Variants in TRHDE observed in about 807,000 individuals in gnomAD.
The protein encoded by TRHDE is thyrotropin releasing hormone degrading enzyme.
A neutral mutation model predicts 125.7 loss-of-function variants in TRHDE; 72 were observed. The ratio of observed to expected loss-of-function variants is 0.57; its 90% CI spans 0.47 to 0.70. TRHDE has a LOEUF of 0.70. TRHDE is among the 30% of genes least tolerant of loss of function. The pLI, the probability that TRHDE is intolerant of heterozygous loss-of-function variation, is 0.00. For missense variants in TRHDE, 1,110 were observed against 1,327.1 expected (o/e 0.84, Z 2.54); for synonymous variants, 509 against 509.1 (o/e 1.00, Z 0.00).
intron 2 of TRHDE, chr12:72,264,768 G>C (rs1333323213): frequency 6.6e-6 from 1 of 151,916 alleles, no homozygotes; most frequent in Non-Finnish European, 1.5e-5. Flanking sequence ...TGGCACTAAA[G>C]AGAAAAGTGA....
intron 3 of TRHDE, among the ~76,000 whole-genome samples, chr12:72,462,165 T>A (rs1461906105): frequency 1.3e-5 from 2 of 152,188 alleles, no homozygotes; most frequent in East Asian, 3.8e-4. Flanking sequence ...GTGATTGAGA[T>A]GCTGCTAGAG....
At chr12:72,197,492 T>TA (rs1877468228) in intron 2 of TRHDE, among the ~76,000 whole-genome samples, 2 of 152,174 alleles carry the variant, frequency 1.3e-5, no homozygotes, top group Non-Finnish European at 2.9e-5. Flanking sequence ...TAGCTGATGA[T>TA]AATTAAGTTT....
intron 1 of TRHDE, among the ~76,000 whole-genome samples, chr12:72,281,285 T>C (rs1879688390): frequency 6.6e-6 from 1 of 152,184 alleles, no homozygotes; most frequent in South Asian, 2.1e-4. Flanking sequence ...TTGAAGTGCA[T>C]AAAAACACAC....
chr12:72,292,706 C>T (rs1565686515), intron 2 of TRHDE, among the ~76,000 whole-genome samples: 2 of 152,314 alleles, frequency 1.3e-5, no homozygotes, highest in East Asian at 3.9e-4. Flanking sequence ...GAGGCTTCTG[C>T]TAACAATCCC....
chr12:72,381,451 A>G (rs377372867), intron 3 of TRHDE, among the ~76,000 whole-genome samples: 1 of 146,952 alleles, frequency 6.8e-6, no homozygotes, highest in East Asian at 2.0e-4. Context: ...GCTGGAGTGC[A>G]GTGGCGGGAT....
At chr12:72,570,539 C>T (rs117049335) in intron 10 of TRHDE, among the ~76,000 whole-genome samples, 8,534 of 134,918 alleles carry the variant, frequency 0.063, 341 homozygotes, top group Middle Eastern at 0.16. Context: ...CGAGATCGCG[C>T]TATGGCACTC....
chr12:72,263,477 A>G (rs1878998748), intron 2 of TRHDE: 2 of 152,072 alleles, frequency 1.3e-5, no homozygotes, highest in African/African-American at 4.8e-5. Flanking sequence ...AGCCACATAA[A>G]GGTTAAATGG....
chr12:72,568,812 T>C (rs1428058829), intron 10 of TRHDE, among the ~76,000 whole-genome samples, 156 bp downstream of exon 10: 2 of 152,162 alleles, frequency 1.3e-5, no homozygotes, highest in African/African-American at 4.8e-5. Flanking sequence ...AGATATAGTA[T>C]AGTTTCTAAA....
At chr12:72,441,968 A>G (rs2135856817) in intron 3 of TRHDE, among the ~76,000 whole-genome samples, 1 of 152,010 alleles carries the variant, frequency 6.6e-6, no homozygotes, top group African/African-American at 2.4e-5. Flanking sequence ...GTGAACACTA[A>G]GCAAAAGGCT....
intron 2 of TRHDE, among the ~76,000 whole-genome samples, chr12:72,217,125 T>C (rs1339523239): frequency 2.6e-5 from 4 of 152,122 alleles, no homozygotes; most frequent in Admixed American, 2.6e-4. Flanking sequence ...TAATGTTTAC[T>C]GGCAAGAAAT....
At chr12:72,365,138 A>G (rs1301194325) in intron 2 of TRHDE, among the ~76,000 whole-genome samples, 1 of 152,106 alleles carries the variant, frequency 6.6e-6, no homozygotes, top group Non-Finnish European at 1.5e-5. Flanking sequence ...GTTAAAAATA[A>G]TAACAGCCCT....
At chr12:72,500,814 T>C (rs1555191972) in intron 6 of TRHDE, among the ~76,000 whole-genome samples, 1 of 151,788 alleles carries the variant, frequency 6.6e-6, no homozygotes, top group Non-Finnish European at 1.5e-5. Flanking sequence ...ACAAAAAATA[T>C]TTTGGTTGGG....
intron 2 of TRHDE, among the ~76,000 whole-genome samples, chr12:72,301,208 A>G: frequency 6.6e-6 from 1 of 152,176 alleles, no homozygotes; most frequent in East Asian, 1.9e-4. Flanking sequence ...TTATCTTCAC[A>G]CATGCCTAGA....
chr12:72,218,772 C>T (rs1565665297), intron 2 of TRHDE, among the ~76,000 whole-genome samples: 1 of 152,136 alleles, frequency 6.6e-6, no homozygotes, highest in African/African-American at 2.4e-5. Context: ...TCTCCCTCTC[C>T]CTTCTTCTTA....
intron 6 of TRHDE, among the ~76,000 whole-genome samples, chr12:72,510,649 T>A (rs1430355253): frequency 2.6e-5 from 4 of 152,052 alleles, no homozygotes; most frequent in African/African-American, 9.7e-5. Context: ...GGGTTTTCAT[T>A]CCATGAATGA....
chr12:72,279,393 C>T (rs540209224), intron 1 of TRHDE, among the ~76,000 whole-genome samples: 22 of 152,176 alleles, frequency 1.4e-4, no homozygotes, highest in Non-Finnish European at 2.9e-4. Context: ...TAATCTTCAT[C>T]ATCACCATCA....
chr12:72,126,527 T>C (rs1420482832), intron 2 of TRHDE, among the ~76,000 whole-genome samples: 1 of 152,060 alleles, frequency 6.6e-6, no homozygotes, highest in Non-Finnish European at 1.5e-5. Flanking sequence ...TGGAACAGAA[T>C]AGAGAATGCA....
At chr12:72,155,980 C>T (rs909514504) in intron 2 of TRHDE, among the ~76,000 whole-genome samples, 5 of 152,270 alleles carry the variant, frequency 3.3e-5, no homozygotes, top group African/African-American at 1.2e-4. Flanking sequence ...TTGGCTATGC[C>T]CTGCCCCCAG....
rs949351787 is a variant in TRHDE at position 72,399,475 on chromosome 12, T to C, written c.1315+21354T>C. ...ATTTAATAATAATAAACTACTCTTG[T>C]GCTGCTTGTAAACATATAGGAAACA... On this transcript the variant is annotated intron_variant, in intron 3 of 18. Transcript: ENST00000261180. 3.9e-5 allele frequency among the ~76,000 whole-genome samples: 6 copies of C among 152,202 alleles called. No individual in the cohort carries two copies. The East Asian group carries it at 5.8e-4, about 15-fold the overall frequency.
Sources: gnomAD v4.1 joint callset for allele counts (sites outside exome capture counted in the v4.1 genomes callset) on GRCh38, gnomAD v4.1.1 for gene constraint, MANE v1.5 for transcripts, NCBI Gene and HGNC (gene_info 2026-07-23, HGNC 2026-07-21) for gene names.